RPTOR: variants seen among roughly 807,000 people sequenced by gnomAD.
RPTOR encodes the protein regulatory associated protein of MTOR complex 1, also known as regulatory-associated protein of mTOR.
Under a neutral mutation model 169.9 loss-of-function variants are expected in RPTOR, and 21 were observed. That is an observed-to-expected ratio of 0.12 (90% confidence interval 0.09 to 0.18). The LOEUF (loss-of-function observed/expected upper bound fraction) is 0.18. Among genes scored for constraint, RPTOR ranks in the 10% least tolerant of loss-of-function variants. The pLI is 1.00. For missense variants in RPTOR, 1,133 were observed against 1,855.9 expected (o/e 0.61, Z 7.16); for synonymous variants, 732 against 753.2 (o/e 0.97, Z 0.46).
intron 1 of RPTOR, among the ~76,000 whole-genome samples, chr17:80,580,161 A>C (rs1032519078): frequency 1.3e-5 from 2 of 152,190 alleles, no homozygotes; most frequent in Non-Finnish European, 2.9e-5. Context: ...TAATTTAACC[A>C]CTTTTGTGCT....
chr17:80,634,448 T>C (rs2065476661), intron 2 of RPTOR, among the ~76,000 whole-genome samples: 1 of 137,742 alleles, frequency 7.3e-6, no homozygotes, highest in South Asian at 2.4e-4. Flanking sequence ...GTGTGCATAC[T>C]TTGTGTGTGC....
At chr17:80,952,791 A>C in intron 28 of RPTOR, among the ~76,000 whole-genome samples, 2 of 147,558 alleles carry the variant, frequency 1.4e-5, no homozygotes, top group African/African-American at 5.1e-5. Context: ...CCCCCAAGTG[A>C]CCATGCAGTC....
chr17:80,874,021 G>A (rs540404078), intron 13 of RPTOR, among the ~76,000 whole-genome samples: 9 of 152,302 alleles, frequency 5.9e-5, no homozygotes, highest in South Asian at 2.1e-4. Flanking sequence ...GGCAGAGGAC[G>A]TCTCAGTCTG....
chr17:80,822,294 C>A lies in RPTOR; in HGVS notation c.984C>A (p.Leu328=), dbSNP rs770429748. 1.2e-6 allele frequency: 2 copies of A among 1,613,972 alleles called. No homozygotes were observed. The highest frequency in any genetic ancestry group is 1.7e-6 in the Non-Finnish European group (2 of 1,179,904). Residue 328 remains leucine (L), a synonymous_variant, in exon 8 of 34, where the codon CTC becomes CTA. Coordinates refer to ENST00000306801, the MANE Select transcript of RPTOR (RefSeq NM_020761.3). ...AITDTIAWNV[L]PRDLFQKLFR... ...CAGACACCATCGCGTGGAACGTGCTCCCCCGGGGTGAGGCGCGGGCCGGGC... is the reference window on the plus strand; with the variant it reads ...CAGACACCATCGCGTGGAACGTGCTACCCCGGGGTGAGGCGCGGGCCGGGC...
intron 5 of RPTOR, among the ~76,000 whole-genome samples, chr17:80,748,912 C>T (rs1295021379): frequency 9.8e-5 from 2 of 20,498 alleles, no homozygotes; most frequent in African/African-American, 5.0e-4. Flanking sequence ...GTTTGGAGGC[C>T]GTGGCGGGAG....
chr17:80,734,862 C>T (rs569037487), intron 5 of RPTOR, among the ~76,000 whole-genome samples: 2 of 152,202 alleles, frequency 1.3e-5, no homozygotes, highest in East Asian at 3.9e-4. Flanking sequence ...ACCATTGTTC[C>T]CTAAACAATA....
intron 5 of RPTOR, among the ~76,000 whole-genome samples, chr17:80,750,031 T>C (rs754355130): frequency 2.6e-5 from 4 of 151,512 alleles, no homozygotes; most frequent in African/African-American, 4.9e-5. Context: ...AAAAAAAATT[T>C]TGGAGTGATG....
At chr17:80,789,007 T>G (rs1321839473) in intron 6 of RPTOR, among the ~76,000 whole-genome samples, 3 of 152,256 alleles carry the variant, frequency 2.0e-5, no homozygotes, top group African/African-American at 7.2e-5. Context: ...CAGTGACTGA[T>G]ATATCCATGC....
intron 1 of RPTOR, chr17:80,602,687 G>A (rs1214730547): frequency 1.4e-6 from 1 of 732,696 alleles, no homozygotes; most frequent in Admixed American, 1.8e-5. Flanking sequence ...TGCGGTAGGG[G>A]ACATTCCTTA....
At position 80,940,594 on chromosome 17, in the gene RPTOR, T is replaced by C. The variant is rs763800773; in HGVS notation, c.3018T>C (p.Ile1006=). 2 of 1,609,616 alleles carry C rather than the reference T, an allele frequency of 1.2e-6. No individual in the cohort carries two copies. The highest frequency in any genetic ancestry group is 2.2e-5 in the South Asian group (2 of 90,200). ...SRVRRQAQQV[I]QKGITRLDDQ... ...TCAGGAGGCAGGCCCAGCAAGTCAT[T>C]CAGAAGGGTAAGGGCACCCGCACAG... Residue 1006 remains isoleucine (I), a synonymous_variant, in exon 25 of 34, where the codon ATT becomes ATC. Transcript: ENST00000306801.
At chr17:80,683,540 A>G (rs1013567870) in intron 3 of RPTOR, among the ~76,000 whole-genome samples, 1 of 152,132 alleles carries the variant, frequency 6.6e-6, no homozygotes, top group Non-Finnish European at 1.5e-5. Flanking sequence ...GCAACCATGG[A>G]TAATTCTTGC....
At chr17:80,636,140 A>G (rs188901106) in intron 2 of RPTOR, among the ~76,000 whole-genome samples, 4 of 152,040 alleles carry the variant, frequency 2.6e-5, no homozygotes, top group Non-Finnish European at 1.5e-5. Context: ...CAGTTTCCTC[A>G]TCTGTAAAGT....
At chr17:80,625,864 A>T in intron 2 of RPTOR, 71 bp downstream of exon 2, 1 of 1,072,334 alleles carries the variant, frequency 9.3e-7, no homozygotes, top group Non-Finnish European at 1.5e-6. Context: ...GGGCTCGCCA[A>T]GCCTGTGGTC....
At chr17:80,874,829 TCA>T (rs1447433237) in intron 13 of RPTOR, among the ~76,000 whole-genome samples, 1 of 152,124 alleles carries the variant, frequency 6.6e-6, no homozygotes, top group Non-Finnish European at 1.5e-5. Flanking sequence ...CACCGAAGGC[TCA>T]CTCAGGAGCT....
chr17:80,862,250 A>C (rs774507355), intron 13 of RPTOR, among the ~76,000 whole-genome samples: 64 of 152,132 alleles, frequency 4.2e-4, no homozygotes, highest in Non-Finnish European at 8.4e-4. Flanking sequence ...TTGCACCTGC[A>C]TGTTTAAAAG....
At position 80,843,678 on chromosome 17, in the gene RPTOR, GTCGTAAGTGGCAAA is replaced by G. The variant is rs1194226409; in HGVS notation, c.1213-2793_1213-2780del. ...AGTCCCCTCTTTAAGCAGCAAGCTTGTCGTAAGTGGCAAATGTATTGTGCCATTGTCAGGACGGA... is the reference window on the plus strand; with the variant it reads ...AGTCCCCTCTTTAAGCAGCAAGCTTGTGTATTGTGCCATTGTCAGGACGGA... On this transcript the variant is annotated intron_variant, in intron 10 of 33. Transcript: ENST00000306801. 2.0e-5 allele frequency among the ~76,000 whole-genome samples: 3 copies of G among 152,146 alleles called. No homozygotes were observed. The East Asian group carries it at 5.8e-4, about 29-fold the overall frequency.
At chr17:80,670,383 C>G (rs2143678715) in intron 3 of RPTOR, among the ~76,000 whole-genome samples, 1 of 152,336 alleles carries the variant, frequency 6.6e-6, no homozygotes, top group East Asian at 1.9e-4. Context: ...GCCTCACTGT[C>G]ATGCCACTGT....
In RPTOR at chr17:80,634,188, CTG is replaced by C. The variant is rs1212975127; in HGVS notation, c.265+8402_265+8403del. ...TGTGCATACTGTGTGTGTGCGCATA[CTG>C]TGTGTGCATACTGTGTGTGCATACT... On this transcript the variant is annotated intron_variant, in intron 2 of 33. Transcript: ENST00000306801. 2.9e-4 allele frequency among the ~76,000 whole-genome samples: 26 copies of C among 88,426 alleles called. No individual in the cohort carries two copies. The East Asian group carries it at 4.2e-3, about 14-fold the overall frequency. The allele number at this position is 88,426 out of a possible 152,430, so 58.0% of individuals were successfully genotyped here.
chr17:80,864,306 G>A (rs922664383), intron 13 of RPTOR, among the ~76,000 whole-genome samples: 1 of 133,230 alleles, frequency 7.5e-6, no homozygotes, highest in Non-Finnish European at 1.7e-5. Context: ...ATTTCCTACA[G>A]ATGGAAAAGG....
Sources: gnomAD v4.1 joint callset for allele counts (sites outside exome capture counted in the v4.1 genomes callset) on GRCh38, gnomAD v4.1.1 for gene constraint, MANE v1.5 for transcripts, NCBI Gene and HGNC (gene_info 2026-07-23, HGNC 2026-07-21) for gene names.